The following PRKCH variants were observed in gnomAD, a reference collection of about 807,000 sequenced individuals.
PRKCH encodes the protein protein kinase C eta.
PRKCH carries 28 observed loss-of-function variants against 82.5 expected under a neutral mutation model. The observed-to-expected ratio is 0.34, with a 90% CI of 0.25 to 0.47. The LOEUF is 0.47. Among genes scored for constraint, PRKCH ranks in the 20% least tolerant of loss-of-function variants. The pLI is 1.00. For missense variants in PRKCH, 705 were observed against 881.8 expected (o/e 0.80, Z 2.54); for synonymous variants, 322 against 327.4 (o/e 0.98, Z 0.18).
intron 2 of PRKCH, among the ~76,000 whole-genome samples, chr14:61,419,826 A>G (rs1882739897): frequency 6.6e-6 from 1 of 152,222 alleles, no homozygotes; most frequent in African/African-American, 2.4e-5. Context: ...TCTATGTATT[A>G]TGTATACATT....
intron 1 of PRKCH, among the ~76,000 whole-genome samples, chr14:61,263,097 G>A (rs184266156): frequency 5.3e-5 from 8 of 152,004 alleles, no homozygotes; most frequent in African/African-American, 1.2e-4. Flanking sequence ...ATGTGTTCAC[G>A]AGCCTGCCGC....
At chr14:61,337,140 A>ATTTTTT (rs56865144) in intron 1 of PRKCH, among the ~76,000 whole-genome samples, 2 of 100,338 alleles carry the variant, frequency 2.0e-5, no homozygotes, top group Non-Finnish European at 3.8e-5. Flanking sequence ...GACACCAACA[A>ATTTTTT]TTTTTTTTTT....
chr14:61,244,157 T>C (rs2140068310), intron 1 of PRKCH, among the ~76,000 whole-genome samples: 1 of 152,246 alleles, frequency 6.6e-6, no homozygotes, highest in African/African-American at 2.4e-5. Flanking sequence ...GACCGCCACA[T>C]GAGCATTCTG....
chr14:61,517,273 T>C (rs561330861), intron 10 of PRKCH, among the ~76,000 whole-genome samples: 1 of 151,848 alleles, frequency 6.6e-6, no homozygotes, highest in East Asian at 1.9e-4. Flanking sequence ...GGCCGTGCAC[T>C]GGGACAGCAA....
At chr14:61,520,439 A>G (rs950243743) in intron 10 of PRKCH, among the ~76,000 whole-genome samples, 1 of 152,232 alleles carries the variant, frequency 6.6e-6, no homozygotes, top group African/African-American at 2.4e-5. Flanking sequence ...TGAAGGAAAG[A>G]TTGATAACTG....
In PRKCH at chr14:61,214,049, T is replaced by C. The variant is rs117104691; in HGVS notation, c.-19+26381T>C. Among the ~76,000 whole-genome samples the C allele has an allele frequency of 3.4e-3, 515 of 152,288 alleles. 2 individuals carry two copies. Among genetic ancestry groups the C allele is most frequent in the South Asian group, 0.01 (49 of 4,828 alleles). On this transcript the variant is annotated intron_variant, in intron 1 of 3. Coordinates refer to the PRKCH transcript ENST00000555185. ...TTCTTTAGGCACACATTAGACAGCA[T>C]AGAATATGATGGTTGGCGTAGGTGC...
intron 1 of PRKCH, among the ~76,000 whole-genome samples, chr14:61,329,566 G>A (rs1284861352): frequency 6.6e-6 from 1 of 152,098 alleles, no homozygotes; most frequent in Admixed American, 6.5e-5. Flanking sequence ...GGTATAGGAT[G>A]TTCTCCATGA....
chr14:61,238,885 G>A (rs1450783764), intron 1 of PRKCH, among the ~76,000 whole-genome samples: 1 of 152,158 alleles, frequency 6.6e-6, no homozygotes, highest in Non-Finnish European at 1.5e-5. Context: ...ACGGTTATAT[G>A]GGGATCTCCA....
intron 1 of PRKCH, chr14:61,307,300 C>A (rs1215582344): frequency 6.6e-6 from 1 of 152,132 alleles, no homozygotes; most frequent in East Asian, 1.9e-4. Context: ...ACTGGCACAT[C>A]AAAGAAAATT....
intron 1 of PRKCH, among the ~76,000 whole-genome samples, chr14:61,312,678 G>T (rs2045534140): frequency 6.6e-6 from 1 of 152,150 alleles, no homozygotes; most frequent in Non-Finnish European, 1.5e-5. Flanking sequence ...GCAAGAGAGT[G>T]TGTACAGTGG....
intron 1 of PRKCH, among the ~76,000 whole-genome samples, chr14:61,286,651 C>G (rs2045316344): frequency 6.6e-6 from 1 of 152,088 alleles, no homozygotes. Flanking sequence ...TGGCGCATGC[C>G]TGTAATCCCA....
intron 2 of PRKCH, among the ~76,000 whole-genome samples, chr14:61,395,120 C>A (rs2140208293): frequency 6.6e-6 from 1 of 152,102 alleles, no homozygotes; most frequent in East Asian, 1.9e-4. Context: ...ATTTTAGGAA[C>A]CCCATATCTG....
At chr14:61,341,256 T>C (rs1411647426) in intron 1 of PRKCH, among the ~76,000 whole-genome samples, 1 of 152,238 alleles carries the variant, frequency 6.6e-6, no homozygotes, top group Non-Finnish European at 1.5e-5. Flanking sequence ...ATGGACAGAC[T>C]AGGTTTTCTT....
intron 1 of PRKCH, among the ~76,000 whole-genome samples, chr14:61,246,245 GAAA>G (rs59852160): frequency 2.4e-5 from 3 of 125,970 alleles, no homozygotes; most frequent in Non-Finnish European, 5.1e-5. Context: ...ATCTCTACTG[GAAA>G]AAAAAAAAAA....
chr14:61,321,331 C>T (rs748340552), upstream of PRKCH, among the ~76,000 whole-genome samples: 3 of 152,194 alleles, frequency 2.0e-5, no homozygotes, highest in Non-Finnish European at 4.4e-5. This position sits in a 1 kb window ranked among gnomAD's most constrained non-coding sequence, Gnocchi z 4.1. Context: ...CCAGGTCAGT[C>T]TACCACGCCT....
chr14:61,280,721 G>C lies in PRKCH; in HGVS notation c.-19+93053G>C. 6.3e-7 allele frequency: 1 copy of C among 1,578,560 alleles called. No individual in the cohort carries two copies. Among genetic ancestry groups the C allele is most frequent in the Non-Finnish European group, 8.6e-7 (1 of 1,166,460 alleles). On this transcript the variant is annotated intron_variant, in intron 1 of 3. Coordinates refer to the PRKCH transcript ENST00000555185. The surrounding 1 kb of genome is among the most constrained non-coding windows in gnomAD (Gnocchi z 5.0). ...TGGTAGGGGGCGCACTCGTTGACAGGGTGGCGCAGCGCGCTGGGGAGTCCG... is the reference window on the plus strand; with the variant it reads ...TGGTAGGGGGCGCACTCGTTGACAGCGTGGCGCAGCGCGCTGGGGAGTCCG...
intron 1 of PRKCH, among the ~76,000 whole-genome samples, chr14:61,242,436 C>T (rs1252873410): frequency 2.0e-5 from 3 of 152,220 alleles, no homozygotes; most frequent in African/African-American, 4.8e-5. Context: ...GTCTCACTGT[C>T]GCCCAGGCTG....
intron 1 of PRKCH, among the ~76,000 whole-genome samples, chr14:61,195,693 C>T (rs1461751673): frequency 1.3e-5 from 2 of 152,174 alleles, no homozygotes; most frequent in African/African-American, 4.8e-5. Context: ...TTGTTGAAGA[C>T]CCACGTGTCA....
At chr14:61,281,465 A>C in intron 1 of PRKCH, 1 of 222,726 alleles carries the variant, frequency 4.5e-6, no homozygotes. Flanking sequence ...TGGTAGACTC[A>C]GTCTCGCGTT....
Sources: allele counts gnomAD v4.1 joint callset (sites outside exome capture counted in the v4.1 genomes callset), GRCh38; gene constraint gnomAD v4.1.1; non-coding constraint Gnocchi (gnomAD v3.1); transcripts MANE v1.5; gene names NCBI Gene and HGNC (gene_info 2026-07-23, HGNC 2026-07-21).